The following PTPRN2 variants were observed in gnomAD, a reference collection of about 807,000 sequenced individuals.
PTPRN2 encodes protein tyrosine phosphatase receptor type N2, also known as receptor-type tyrosine-protein phosphatase N2.
A neutral mutation model predicts 118.8 loss-of-function variants in PTPRN2; 74 were observed. The observed-to-expected ratio is 0.62, with a 90% CI of 0.52 to 0.76. PTPRN2 has a LOEUF of 0.76. Among genes scored for constraint, PTPRN2 ranks in the 30% least tolerant of loss-of-function variants. The pLI is 0.00. For missense variants in PTPRN2, 1,481 were observed against 1,394.4 expected (o/e 1.06, Z -0.99); for synonymous variants, 641 against 608.0 (o/e 1.05, Z -0.80).
chr7:158,049,250 C>T (rs1031616517), intron 11 of PTPRN2, among the ~76,000 whole-genome samples: 6 of 103,476 alleles, frequency 5.8e-5, no homozygotes, highest in Non-Finnish European at 1.2e-4. Context: ...GACTGGTGGC[C>T]CTGGAACTCC....
intron 12 of PTPRN2, among the ~76,000 whole-genome samples, chr7:157,731,967 T>G (rs9801655): frequency 0.022 from 509 of 23,396 alleles, 2 homozygotes; most frequent in East Asian, 0.1. Context: ...CAGTTACCCT[T>G]TCCCGTCCCA....
intron 10 of PTPRN2, among the ~76,000 whole-genome samples, chr7:158,099,932 CTTTA>C (rs1360422870): frequency 3.4e-5 from 5 of 147,624 alleles, no homozygotes; most frequent in East Asian, 2.0e-4. Context: ...CTTATTCCTT[CTTTA>C]TTTATTTTTA....
chr7:158,048,303 A>G (rs1809030395), intron 11 of PTPRN2, among the ~76,000 whole-genome samples: 1 of 152,180 alleles, frequency 6.6e-6, no homozygotes, highest in Non-Finnish European at 1.5e-5. Flanking sequence ...CATGTGGGGA[A>G]AAGTCCTACA....
chr7:157,822,661 C>T (rs1325727383), intron 12 of PTPRN2, among the ~76,000 whole-genome samples: 1 of 151,926 alleles, frequency 6.6e-6, no homozygotes, highest in Non-Finnish European at 1.5e-5. Context: ...CATCCACTCA[C>T]CATGCATCCA....
At chr7:158,561,591 C>T (rs1827390578) in intron 1 of PTPRN2, among the ~76,000 whole-genome samples, 1 of 152,222 alleles carries the variant, frequency 6.6e-6, no homozygotes, top group South Asian at 2.1e-4. Flanking sequence ...CCTTGATGCT[C>T]TAATTGTGGC....
At chr7:158,231,081 A>C (rs929495014) in intron 3 of PTPRN2, among the ~76,000 whole-genome samples, 2 of 152,176 alleles carry the variant, frequency 1.3e-5, no homozygotes, top group Admixed American at 1.3e-4. Flanking sequence ...AGCCTGGGCA[A>C]TACAGTGAGA....
chr7:158,333,612 T>C (rs1475954718), intron 2 of PTPRN2, among the ~76,000 whole-genome samples: 20 of 150,476 alleles, frequency 1.3e-4, no homozygotes, highest in African/African-American at 4.5e-4. Context: ...ACTCTCACTA[T>C]AAGAGGTGAC....
rs1481500871 is a variant in PTPRN2, at chr7:157,622,223, T to C, written c.2197-714A>G. 6.6e-6 allele frequency among the ~76,000 whole-genome samples: 1 copy of C among 151,962 alleles called. No homozygotes were observed. The highest frequency in any genetic ancestry group is 1.5e-5 in the Non-Finnish European group (1 of 68,016). ...CAAAGGACCAAACCCAGCTGCACTATGGCACCACAGGAAGTGACGGCCTCG... is the reference window on the plus strand; with the variant it reads ...CAAAGGACCAAACCCAGCTGCACTACGGCACCACAGGAAGTGACGGCCTCG... On this transcript the variant is annotated intron_variant, in intron 14 of 22. Transcript: ENST00000389418. This position sits in a 1 kb window ranked among gnomAD's most constrained non-coding sequence, Gnocchi z 5.3.
chr7:157,602,039 A>C (rs1290091845), intron 16 of PTPRN2, among the ~76,000 whole-genome samples: 1 of 152,230 alleles, frequency 6.6e-6, no homozygotes, highest in Non-Finnish European at 1.5e-5. Context: ...ATTAGAATTG[A>C]TGACAGAAAA....
At chr7:158,112,323 A>G (rs993232563) in intron 9 of PTPRN2, among the ~76,000 whole-genome samples, 1 of 152,152 alleles carries the variant, frequency 6.6e-6, no homozygotes, top group African/African-American at 2.4e-5. Context: ...GCCCCGTTTG[A>G]ACAGAGGTGA....
chr7:158,416,659 T>C (rs571687362), intron 2 of PTPRN2, among the ~76,000 whole-genome samples: 20 of 152,140 alleles, frequency 1.3e-4, no homozygotes, highest in Admixed American at 2.6e-4. Flanking sequence ...GTGCTGGAAG[T>C]GAAATTCCAA....
intron 10 of PTPRN2, among the ~76,000 whole-genome samples, chr7:158,084,441 G>C (rs922354174): frequency 2.1e-4 from 32 of 152,116 alleles, no homozygotes; most frequent in African/African-American, 4.8e-5. Context: ...TCAGCTTTCT[G>C]TCTCTTTAGA....
intron 11 of PTPRN2, among the ~76,000 whole-genome samples, chr7:157,927,546 G>A (rs189988547): frequency 0.16 from 12,486 of 77,324 alleles, no homozygotes; most frequent in Admixed American, 0.2. Context: ...GAGGCCTCAC[G>A]TCTTCTGGGA....
At chr7:158,283,454 G>A (rs753883289) in intron 3 of PTPRN2, among the ~76,000 whole-genome samples, 9 of 152,208 alleles carry the variant, frequency 5.9e-5, no homozygotes, top group Non-Finnish European at 1.3e-4. Flanking sequence ...AGGGTAACCA[G>A]GCTTCTCAGT....
At position 157,581,958 on chromosome 7, in the gene PTPRN2, A is replaced by G. The variant is rs563367637; in HGVS notation, c.2497-3818T>C. On this transcript the variant is annotated intron_variant, in intron 17 of 22. Coordinates refer to ENST00000389418, the MANE Select transcript of PTPRN2 (RefSeq NM_002847.5). ...TGTGGCCACCCACGCCACACCCCTC[A>G]TGGCAGGCGGCCACGGGACACTGCA... Among the ~76,000 whole-genome samples, 468 of 152,320 alleles carry G rather than the reference A, an allele frequency of 3.1e-3. 3 individuals carry two copies. The highest frequency in any genetic ancestry group is 5.1e-3 in the Non-Finnish European group (345 of 68,016).
intron 2 of PTPRN2, among the ~76,000 whole-genome samples, chr7:158,328,813 G>T (rs1179743267): frequency 1.4e-5 from 2 of 144,922 alleles, no homozygotes; most frequent in East Asian, 2.1e-4. Flanking sequence ...CCGCCACCCA[G>T]GGATCCCAGG....
chr7:157,614,034 T>A (rs1802583486), intron 15 of PTPRN2: 1 of 471,336 alleles, frequency 2.1e-6, no homozygotes, highest in South Asian at 1.5e-5. Context: ...ACGGGATGCC[T>A]TGGAAAGCAT....
intron 1 of PTPRN2, among the ~76,000 whole-genome samples, chr7:158,506,580 A>G (rs1295649878): frequency 6.6e-6 from 1 of 151,756 alleles, no homozygotes; most frequent in African/African-American, 2.4e-5. Context: ...CTTGAATGGG[A>G]GCCCTACAGG....
At chr7:158,246,780 C>T (rs865862801) in intron 3 of PTPRN2, among the ~76,000 whole-genome samples, 9 of 152,088 alleles carry the variant, frequency 5.9e-5, no homozygotes, top group South Asian at 2.1e-4. Context: ...GTCCCCCAGG[C>T]GTGTGCTTCC....
Sources: gnomAD v4.1 joint callset for allele counts (sites outside exome capture counted in the v4.1 genomes callset) on GRCh38, gnomAD v4.1.1 for gene constraint, Gnocchi (gnomAD v3.1) non-coding constraint, MANE v1.5 for transcripts, NCBI Gene and HGNC (gene_info 2026-07-23, HGNC 2026-07-21) for gene names.